RAB3GAP2: variants seen among roughly 807,000 people sequenced by gnomAD.
RAB3GAP2 encodes the protein RAB3 GTPase activating non-catalytic protein subunit 2, also known as rab3 GTPase-activating protein non-catalytic subunit.
A neutral mutation model predicts 185.3 loss-of-function variants in RAB3GAP2; 87 were observed. The ratio of observed to expected loss-of-function variants is 0.47; its 90% confidence interval spans 0.39 to 0.56. The LOEUF (loss-of-function observed/expected upper bound fraction) is 0.56, where lower values mean the gene tolerates loss of function less well. Ranked by LOEUF, RAB3GAP2 falls within the 20% of genes least tolerant of loss-of-function variation. The probability of loss-of-function intolerance (pLI) is 0.00; values close to 1 mark genes in which losing one functional copy is unlikely to be tolerated. For synonymous variants in RAB3GAP2, 554 were observed against 576.1 expected (o/e 0.96, Z 0.55); for missense variants, 1,492 against 1,638.2 (o/e 0.91, Z 1.54).
chr1:220,206,822 G>A (rs1320330207), intron 7 of RAB3GAP2, among the ~76,000 whole-genome samples: 2 of 152,154 alleles, frequency 1.3e-5, no homozygotes, highest in Non-Finnish European at 2.9e-5. Flanking sequence ...CTGTCATTCA[G>A]GTTTCAGTTC....
chr1:220,175,924 G>A (rs1277143827), intron 21 of RAB3GAP2, among the ~76,000 whole-genome samples: 1 of 152,094 alleles, frequency 6.6e-6, no homozygotes, highest in Non-Finnish European at 1.5e-5. Context: ...TTGTATATAG[G>A]AGATCAGTAT....
rs1658614875 is a variant in RAB3GAP2 at position 220,191,285 on chromosome 1, C to G, written c.1271-1G>C. The G allele has an allele frequency of 6.7e-7, 1 of 1,503,722 alleles. No individual in the cohort carries two copies. The highest frequency in any genetic ancestry group is 1.9e-5 in the Admixed American group (1 of 51,300). The allele number at this position is 1,503,722 out of a possible 1,614,324, so 93.1% of individuals were successfully genotyped here. ...CATCCAATTTGTGCGTCGCGGTACC[C>G]TTAGAGACAGAGGTAAAGGGAAGTT... On this transcript the variant is annotated splice_acceptor_variant, in intron 13 of 34. Transcript: ENST00000358951. LOFTEE classifies it high-confidence loss of function.
At chr1:220,212,164 TC>T (rs1375504995) in intron 4 of RAB3GAP2, among the ~76,000 whole-genome samples, 3 of 152,236 alleles carry the variant, frequency 2.0e-5, no homozygotes, top group Admixed American at 2.0e-4. Flanking sequence ...AACTTGCATT[TC>T]TTAAGTGTTT....
chr1:220,204,290 G>A (rs915142907), intron 8 of RAB3GAP2, among the ~76,000 whole-genome samples: 26 of 152,026 alleles, frequency 1.7e-4, no homozygotes, highest in African/African-American at 5.8e-4. Context: ...GTCAGAATTT[G>A]TTTAAATTTT....
rs529043699 is a variant in RAB3GAP2, at chr1:220,243,211, G to A, written c.116-10348C>T. On this transcript the variant is annotated intron_variant, in intron 1 of 34. Transcript: ENST00000358951. ...CTACTAAAAATACAAAAAATTAGCC[G>A]GGTGTGGTGGCAGGCGCCTGTAGTC... 2.7e-3 allele frequency among the ~76,000 whole-genome samples: 410 copies of A among 152,026 alleles called. 1 individual carries two copies. The highest frequency in any genetic ancestry group is 9.7e-3 in the African/African-American group (401 of 41,470).
intron 1 of RAB3GAP2, among the ~76,000 whole-genome samples, chr1:220,270,102 C>G (rs1660307858): frequency 1.3e-5 from 2 of 152,180 alleles, no homozygotes; most frequent in South Asian, 4.1e-4. Flanking sequence ...AAGCATTTTT[C>G]TATCCTTTTC....
intron 7 of RAB3GAP2, among the ~76,000 whole-genome samples, chr1:220,207,019 T>C (rs1233181529): frequency 6.6e-6 from 1 of 152,182 alleles, no homozygotes; most frequent in Admixed American, 6.5e-5. Flanking sequence ...GTAAGCCCCA[T>C]GAAAGCAGGA....
At chr1:220,218,208 T>C (rs887896704) in intron 2 of RAB3GAP2, among the ~76,000 whole-genome samples, 4 of 152,198 alleles carry the variant, frequency 2.6e-5, no homozygotes, top group African/African-American at 9.7e-5. Context: ...GCCAAAATCT[T>C]CCATCATTCT....
Position 220,184,117 on chromosome 1 carries a change from T to C in RAB3GAP2, c.1917A>G (p.Lys639=), listed in dbSNP as rs1331639028. 1 of 1,610,580 alleles carries C rather than the reference T, an allele frequency of 6.2e-7. No individual in the cohort carries two copies. The highest frequency in any genetic ancestry group is 1.7e-5 in the Admixed American group (1 of 59,974). The change falls in exon 19 of 35, where the codon AAA becomes AAG. Residue 639 remains lysine (K), a synonymous_variant. Coordinates refer to ENST00000358951, the MANE Select transcript of RAB3GAP2 (RefSeq NM_012414.4). ...DEGLLQFCAN[K]LKLLQLYESV... ...ACTCATAGAGTTGCAGCAGTTTTAG[T>C]TTATTGGCACAAAACTGTAGCAATC...
At chr1:220,210,339 C>A in intron 7 of RAB3GAP2, 49 bp downstream of exon 7, 1 of 1,383,586 alleles carries the variant, frequency 7.2e-7, no homozygotes. Context: ...AGAGAAACTG[C>A]TTCAAAATAA....
chr1:220,173,462 A>G (rs1177496581), intron 21 of RAB3GAP2, among the ~76,000 whole-genome samples: 1 of 152,228 alleles, frequency 6.6e-6, no homozygotes, highest in Non-Finnish European at 1.5e-5. Context: ...TTATGTGAAA[A>G]ATAGCTCTAA....
intron 1 of RAB3GAP2, among the ~76,000 whole-genome samples, chr1:220,259,163 T>C (rs188753087): frequency 6.6e-6 from 1 of 152,148 alleles, no homozygotes; most frequent in Non-Finnish European, 1.5e-5. Flanking sequence ...CCCAAAGTAA[T>C]TTATGGATTC....
intron 6 of RAB3GAP2, 103 bp downstream of exon 6, chr1:220,210,698 A>G: frequency 1.6e-6 from 2 of 1,275,080 alleles, no homozygotes; most frequent in South Asian, 2.5e-5. Flanking sequence ...TCAACTACAC[A>G]TTTTCAGGCA....
intron 1 of RAB3GAP2, among the ~76,000 whole-genome samples, chr1:220,246,237 G>T (rs1659813497): frequency 6.6e-6 from 1 of 152,244 alleles, no homozygotes; most frequent in Non-Finnish European, 1.5e-5. Context: ...TACCATTGCA[G>T]TTAGAACGGC....
At chr1:220,176,714 C>A (rs1658296483) in intron 21 of RAB3GAP2, among the ~76,000 whole-genome samples, 1 of 152,110 alleles carries the variant, frequency 6.6e-6, no homozygotes. Context: ...GGACTCAGAG[C>A]CTCCCTGACA....
At chr1:220,256,715 T>C (rs1251641964) in intron 1 of RAB3GAP2, among the ~76,000 whole-genome samples, 1 of 152,210 alleles carries the variant, frequency 6.6e-6, no homozygotes, top group Non-Finnish European at 1.5e-5. Context: ...ATCTTAAATA[T>C]ATATGCACCC....
chr1:220,212,827 G>T, intron 4 of RAB3GAP2, 60 bp downstream of exon 4: 1 of 1,344,372 alleles, frequency 7.4e-7, no homozygotes, highest in Non-Finnish European at 1.1e-6. Context: ...TCACCTACAA[G>T]TCAAATAATT....
intron 1 of RAB3GAP2, among the ~76,000 whole-genome samples, chr1:220,233,861 C>T (rs779547347): frequency 6.6e-6 from 1 of 152,090 alleles, no homozygotes; most frequent in Non-Finnish European, 1.5e-5. Flanking sequence ...CCACCACGCC[C>T]GGCTGATTTT....
At chr1:220,215,081 T>C (rs530823279) in intron 2 of RAB3GAP2, among the ~76,000 whole-genome samples, 24 of 151,790 alleles carry the variant, frequency 1.6e-4, no homozygotes, top group African/African-American at 5.3e-4. Context: ...TTCCATTTTA[T>C]GGATGCACTA....
Sources: gnomAD v4.1 joint callset for allele counts (sites outside exome capture counted in the v4.1 genomes callset) on GRCh38, gnomAD v4.1.1 for gene constraint, MANE v1.5 for transcripts, NCBI Gene and HGNC (gene_info 2026-07-23, HGNC 2026-07-21) for gene names.